FGF14: variants seen among roughly 807,000 people sequenced by gnomAD.
FGF14 encodes fibroblast growth factor homologous factor 4.
FGF14 carries 5 observed loss-of-function variants against 25.5 expected under a neutral mutation model. That is an observed-to-expected ratio of 0.20 (90% confidence interval 0.10 to 0.41). The LOEUF (loss-of-function observed/expected upper bound fraction) is 0.41, where lower values mean the gene tolerates loss of function less well. Among genes scored for constraint, FGF14 ranks in the 10% least tolerant of loss-of-function variants. The pLI is 1.00. For synonymous variants in FGF14, 138 were observed against 118.3 expected (o/e 1.17, Z -1.08); for missense variants, 222 against 320.1 (o/e 0.69, Z 2.34).
chr13:101,798,267 T>G (rs924359456), intron 3 of FGF14, among the ~76,000 whole-genome samples: 3 of 152,132 alleles, frequency 2.0e-5, no homozygotes, highest in Non-Finnish European at 4.4e-5. Context: ...GTGAGCAATT[T>G]AATTCCATAG....
chr13:101,774,918 G>A (rs1449132852), intron 3 of FGF14, among the ~76,000 whole-genome samples: 2 of 146,992 alleles, frequency 1.4e-5, no homozygotes, highest in Admixed American at 6.9e-5. Flanking sequence ...CCAGTGAGCC[G>A]AGATTGTGCC....
chr13:102,071,792 A>G (rs942108902), intron 1 of FGF14, among the ~76,000 whole-genome samples: 5 of 152,144 alleles, frequency 3.3e-5, no homozygotes, highest in African/African-American at 1.2e-4. Flanking sequence ...TTCATCATTC[A>G]AGATGTAACT....
chr13:101,722,654 TG>T lies in FGF14; in HGVS notation c.*176del, dbSNP rs144061152. 6.5e-6 allele frequency: 5 copies of T among 767,892 alleles called. No homozygotes were observed. The highest frequency in any genetic ancestry group is 2.7e-5 in the East Asian group (1 of 36,756). The allele number at this position is 767,892 out of a possible 1,614,324, so 47.6% of individuals were successfully genotyped here. Reference sequence around the variant, plus strand: ...TGGTTATCCAGGTGTCTTCTTGTTGTGGGGGGTGCAACAGGTTGAGATTTAT... The same window carrying T: ...TGGTTATCCAGGTGTCTTCTTGTTGTGGGGGTGCAACAGGTTGAGATTTAT... On this transcript the variant is annotated 3_prime_UTR_variant, in exon 5 of 5. Transcript: ENST00000376143.
At chr13:102,393,425 GAAAT>G (rs1240627451) in intron 1 of FGF14, among the ~76,000 whole-genome samples, 3 of 152,080 alleles carry the variant, frequency 2.0e-5, no homozygotes, top group Non-Finnish European at 2.9e-5. Flanking sequence ...GGACCTAAAA[GAAAT>G]AATTCATAAA....
At chr13:102,223,301 A>C (rs565039283) in intron 1 of FGF14, among the ~76,000 whole-genome samples, 22 of 152,308 alleles carry the variant, frequency 1.4e-4, no homozygotes, top group African/African-American at 5.3e-4. Flanking sequence ...AGGGCAATGC[A>C]CAGAAACTGG....
intron 1 of FGF14, among the ~76,000 whole-genome samples, chr13:102,194,002 AT>A (rs1298485771): frequency 2.0e-5 from 3 of 152,154 alleles, no homozygotes; most frequent in Non-Finnish European, 4.4e-5. Context: ...CATTACAATT[AT>A]TTTCAAAGAC....
intron 1 of FGF14, among the ~76,000 whole-genome samples, chr13:102,049,840 T>C (rs961954401): frequency 6.6e-5 from 10 of 152,040 alleles, no homozygotes; most frequent in African/African-American, 2.4e-4. Flanking sequence ...ACAAAAGAGA[T>C]TGATGGCAAA....
chr13:101,879,391 C>T (rs539634195), intron 1 of FGF14, among the ~76,000 whole-genome samples: 3 of 152,264 alleles, frequency 2.0e-5, no homozygotes, highest in African/African-American at 7.2e-5. Flanking sequence ...ACCCTCAACA[C>T]TCAGAACTGA....
Position 101,850,500 on chromosome 13 carries a change from A to C in FGF14, c.408+18225T>G, listed in dbSNP as rs866757708. Among the ~76,000 whole-genome samples the C allele has an allele frequency of 6.0e-3, 11 of 1,830 alleles. 1 individual carries two copies. The highest frequency in any genetic ancestry group is 0.013 in the African/African-American group (10 of 780). 1.2% of individuals were successfully genotyped at this position (1,830 alleles called of 152,430 possible). ...TATATATATATATATATATATATAT[A>C]TATATATATATATAGAATTATATAT... On this transcript the variant is annotated intron_variant, in intron 3 of 4. Transcript: ENST00000376143.
chr13:102,159,940 A>C (rs2047545269), intron 1 of FGF14, among the ~76,000 whole-genome samples: 1 of 152,192 alleles, frequency 6.6e-6, no homozygotes, highest in South Asian at 2.1e-4. Flanking sequence ...CAGCACTCCT[A>C]AATATGCTAT....
chr13:102,156,999 A>G (rs553901086), intron 1 of FGF14, among the ~76,000 whole-genome samples: 1 of 152,322 alleles, frequency 6.6e-6, no homozygotes, highest in East Asian at 1.9e-4. Context: ...TGCTGAATGA[A>G]ATAAAAGATG....
At chr13:102,022,137 AC>A (rs976604640) in intron 1 of FGF14, among the ~76,000 whole-genome samples, 29 of 151,512 alleles carry the variant, frequency 1.9e-4, no homozygotes, top group Admixed American at 2.6e-4. Flanking sequence ...CACCCCCCTT[AC>A]TCAATGGCCT....
chr13:101,842,674 G>A (rs981814914), intron 3 of FGF14, among the ~76,000 whole-genome samples: 4 of 151,994 alleles, frequency 2.6e-5, no homozygotes, highest in African/African-American at 9.7e-5. Flanking sequence ...AGGAGAGGGA[G>A]AGAACAGACG....
chr13:102,081,436 C>A (rs1471532318), intron 1 of FGF14, among the ~76,000 whole-genome samples: 1 of 152,142 alleles, frequency 6.6e-6, no homozygotes, highest in Non-Finnish European at 1.5e-5. Context: ...TAACATTTTC[C>A]TTTGCCTTTA....
intron 3 of FGF14, among the ~76,000 whole-genome samples, chr13:101,861,934 A>G (rs1047213662): frequency 2.0e-5 from 3 of 152,078 alleles, no homozygotes; most frequent in Non-Finnish European, 2.9e-5. Flanking sequence ...CTATGATCAT[A>G]GCGGTTTTCT....
rs150622222 is a variant in FGF14, at chr13:102,233,368, C to T, written c.208+168103G>A. Among the ~76,000 whole-genome samples, 487 of 152,074 alleles carry T rather than the reference C, an allele frequency of 3.2e-3. 2 individuals are homozygous for T. The highest frequency in any genetic ancestry group is 4.7e-3 in the Non-Finnish European group (322 of 67,980). ...CTGTTTTCGAACTCCTGACCTCAGG[C>T]GATCCACCCACCTTGACCTTCCAAA... is the stretch of plus-strand genomic sequence containing the variant. On this transcript the variant is annotated intron_variant, in intron 1 of 4. Coordinates refer to the FGF14 transcript ENST00000376131.
At chr13:102,064,021 A>C (rs1300546896) in intron 1 of FGF14, among the ~76,000 whole-genome samples, 2 of 152,220 alleles carry the variant, frequency 1.3e-5, no homozygotes, top group East Asian at 1.9e-4. Flanking sequence ...TACACATTTA[A>C]AAATGAATGA....
At chr13:102,158,670 T>TAA (rs990288213) in intron 1 of FGF14, among the ~76,000 whole-genome samples, 1 of 146,634 alleles carries the variant, frequency 6.8e-6, no homozygotes, top group Admixed American at 6.8e-5. Context: ...TAAAGTATAA[T>TAA]AAAAAAAAAA....
intron 3 of FGF14, among the ~76,000 whole-genome samples, chr13:101,826,986 A>C (rs977961364): frequency 6.6e-6 from 1 of 152,004 alleles, no homozygotes; most frequent in Non-Finnish European, 1.5e-5. Context: ...AATCTTGTGA[A>C]CATTTATTAA....
Sources: allele counts gnomAD v4.1 joint callset (sites outside exome capture counted in the v4.1 genomes callset), GRCh38; gene constraint gnomAD v4.1.1; transcripts MANE v1.5; gene names NCBI Gene and HGNC (gene_info 2026-07-23, HGNC 2026-07-21).